Variants in FBXL7 observed in about 807,000 individuals in gnomAD.
FBXL7 encodes F-box and leucine rich repeat protein 7.
Under a neutral mutation model 38.3 loss-of-function variants are expected in FBXL7, and 12 were observed. That is an observed-to-expected ratio of 0.31 (90% CI 0.20 to 0.51). FBXL7 has a LOEUF of 0.51. Ranked by LOEUF, FBXL7 falls within the 20% of genes least tolerant of loss-of-function variation. FBXL7 has a pLI of 0.98. For synonymous variants in FBXL7, 297 were observed against 300.9 expected (o/e 0.99, Z 0.13); for missense variants, 567 against 676.4 (o/e 0.84, Z 1.79).
chr5:15,677,617 G>A (rs921410057), intron 2 of FBXL7, among the ~76,000 whole-genome samples: 3 of 152,016 alleles, frequency 2.0e-5, no homozygotes, highest in African/African-American at 7.2e-5. Context: ...TGTAAAAGGT[G>A]TGAGCACTAA....
intron 1 of FBXL7, among the ~76,000 whole-genome samples, chr5:15,611,615 C>A (rs1317608666): frequency 1.3e-5 from 2 of 152,176 alleles, no homozygotes; most frequent in East Asian, 3.9e-4. Context: ...AACTCTGTTT[C>A]CCTTTGGGTC....
chr5:15,646,761 G>T (rs889560740), intron 2 of FBXL7, among the ~76,000 whole-genome samples: 2 of 152,214 alleles, frequency 1.3e-5, no homozygotes, highest in Non-Finnish European at 2.9e-5. Context: ...GAGACCTTAT[G>T]TTCTGGACTA....
chr5:15,762,659 GT>G (rs1736480848), intron 2 of FBXL7, among the ~76,000 whole-genome samples: 1 of 152,196 alleles, frequency 6.6e-6, no homozygotes, highest in South Asian at 2.1e-4. Flanking sequence ...TCTTAGAGTT[GT>G]TTTGAAAGTT....
chr5:15,871,119 G>C (rs1561163892), intron 2 of FBXL7, among the ~76,000 whole-genome samples: 1 of 152,216 alleles, frequency 6.6e-6, no homozygotes, highest in Non-Finnish European at 1.5e-5. Flanking sequence ...GAAGGAGCAG[G>C]CAGCAATATC....
chr5:15,594,159 T>G (rs545825549), intron 1 of FBXL7, among the ~76,000 whole-genome samples: 1 of 152,316 alleles, frequency 6.6e-6, no homozygotes, highest in South Asian at 2.1e-4. Context: ...TTTAAGGCAT[T>G]TGCCTCCACT....
At chr5:15,557,778 T>TTCC (rs1362603947) in intron 1 of FBXL7, among the ~76,000 whole-genome samples, 1 of 152,204 alleles carries the variant, frequency 6.6e-6, no homozygotes, top group African/African-American at 2.4e-5. Flanking sequence ...GTGAGATGAC[T>TTCC]TCCTGGTGGT....
Position 15,559,183 on chromosome 5 carries a change from A to AT in FBXL7, c.38-56796dup, listed in dbSNP as rs573696763. Among the ~76,000 whole-genome samples, 45 of 152,310 alleles carry AT rather than the reference A, an allele frequency of 3.0e-4. No individual in the cohort carries two copies. In the South Asian group the frequency reaches 9.3e-3, roughly 32 times the overall value. ...AGGACATATCAGGAAGACATGAAGC[A>AT]TTTTCTAGAGACTGTCGAGAGGAGA... On this transcript the variant is annotated intron_variant, in intron 1 of 3. Transcript: ENST00000504595.
chr5:15,880,887 G>A lies in FBXL7; in HGVS notation c.128-47003G>A, dbSNP rs118035708. On this transcript the variant is annotated intron_variant, in intron 2 of 3. Coordinates refer to ENST00000504595, the MANE Select transcript of FBXL7 (RefSeq NM_012304.5). ...AGTATGCTCATTTAAGCCTAGCTCT[G>A]TAGTATGATCATTTAAGCTTTATTA... is the stretch of plus-strand genomic sequence containing the variant. Among the ~76,000 whole-genome samples, 66 of 151,504 alleles carry A rather than the reference G, an allele frequency of 4.4e-4. 1 individual carries two copies. The East Asian group carries it at 0.012, about 28-fold the overall frequency.
At position 15,566,790 on chromosome 5, in the gene FBXL7, A is replaced by G. The variant is rs1738587066; in HGVS notation, c.38-49193A>G. Among the ~76,000 whole-genome samples, 5 of 152,164 alleles carry G rather than the reference A, an allele frequency of 3.3e-5. No individual in the cohort carries two copies. In the South Asian group the frequency reaches 1.0e-3, roughly 32 times the overall value. On this transcript the variant is annotated intron_variant, in intron 1 of 3. Transcript: ENST00000504595. Reference sequence around the variant, plus strand: ...AGTTGTGTGAAATGCAGGGTCCTACATTGTATTTAATGCCTTTCTGGACCT... The same window carrying G: ...AGTTGTGTGAAATGCAGGGTCCTACGTTGTATTTAATGCCTTTCTGGACCT...
intron 2 of FBXL7, among the ~76,000 whole-genome samples, chr5:15,755,695 A>G (rs1736279788): frequency 6.6e-6 from 1 of 152,230 alleles, no homozygotes; most frequent in African/African-American, 2.4e-5. Context: ...TTCTCCATCA[A>G]GGTGAACACT....
rs146666665 is a variant in FBXL7 at position 15,539,144 on chromosome 5, G to T, written c.37+38431G>T. Among the ~76,000 whole-genome samples the T allele has an allele frequency of 5.2e-3, 794 of 152,242 alleles. 10 individuals carry two copies. The highest frequency in any genetic ancestry group is 0.018 in the African/African-American group (765 of 41,530). On this transcript the variant is annotated intron_variant, in intron 1 of 3. Coordinates refer to ENST00000504595, the MANE Select transcript of FBXL7 (RefSeq NM_012304.5). ...TTAATAGCTGAAGCATCCTTCTCTT[G>T]TGAACAATTTATTCTAATGGCAATA...
intron 2 of FBXL7, among the ~76,000 whole-genome samples, chr5:15,865,241 C>A (rs1739654435): frequency 6.6e-6 from 1 of 152,108 alleles, no homozygotes; most frequent in South Asian, 2.1e-4. Context: ...ACTGACAGCT[C>A]CATCTAAATG....
Position 15,874,199 on chromosome 5 carries a change from G to A in FBXL7, c.128-53691G>A, listed in dbSNP as rs192457434. On this transcript the variant is annotated intron_variant, in intron 2 of 3. Coordinates refer to ENST00000504595, the MANE Select transcript of FBXL7 (RefSeq NM_012304.5). Reference sequence around the variant, plus strand: ...GATTATCTCAAAAGATGCAGAAAAAGCCTTTGACAAAATTCAACAGCCCTT... The same window carrying A: ...GATTATCTCAAAAGATGCAGAAAAAACCTTTGACAAAATTCAACAGCCCTT... 2.4e-3 allele frequency among the ~76,000 whole-genome samples: 362 copies of A among 152,248 alleles called. 2 individuals carry two copies. Among genetic ancestry groups the A allele is most frequent in the African/African-American group, 8.4e-3 (348 of 41,542 alleles).
chr5:15,783,659 A>G (rs1389142501), intron 2 of FBXL7, among the ~76,000 whole-genome samples: 1 of 152,142 alleles, frequency 6.6e-6, no homozygotes, highest in Non-Finnish European at 1.5e-5. Context: ...AAGAAAATAC[A>G]TTGCTCCTGG....
At chr5:15,586,250 T>C (rs1043092514) in intron 1 of FBXL7, among the ~76,000 whole-genome samples, 36 of 144,282 alleles carry the variant, frequency 2.5e-4, no homozygotes, top group African/African-American at 9.3e-4. Context: ...TTAAAAAGTT[T>C]CTCCCCTCCC....
intron 2 of FBXL7, among the ~76,000 whole-genome samples, chr5:15,895,058 G>C (rs1245074396): frequency 3.9e-5 from 6 of 152,106 alleles, no homozygotes; most frequent in Non-Finnish European, 2.9e-5. Context: ...TTCAAAAATA[G>C]TTCAAAACTG....
intron 2 of FBXL7, among the ~76,000 whole-genome samples, chr5:15,913,534 G>A (rs1319739265): frequency 6.6e-6 from 1 of 152,072 alleles, no homozygotes; most frequent in African/African-American, 2.4e-5. Flanking sequence ...TCCCTGTGGG[G>A]CTTGTTTTCT....
chr5:15,797,525 C>T (rs945851512), intron 2 of FBXL7, among the ~76,000 whole-genome samples: 1 of 152,182 alleles, frequency 6.6e-6, no homozygotes, highest in Non-Finnish European at 1.5e-5. Context: ...GGACGTAGCT[C>T]ACAGAGTGGT....
At chr5:15,813,112 T>C (rs1035907909) in intron 2 of FBXL7, among the ~76,000 whole-genome samples, 1 of 152,198 alleles carries the variant, frequency 6.6e-6, no homozygotes. Context: ...ACTATTTCAA[T>C]ACCTTTATTT....
Sources: gnomAD v4.1 joint callset for allele counts (sites outside exome capture counted in the v4.1 genomes callset) on GRCh38, gnomAD v4.1.1 for gene constraint, MANE v1.5 for transcripts, NCBI Gene and HGNC (gene_info 2026-07-23, HGNC 2026-07-21) for gene names.